The following AP3B1 variants were observed in gnomAD, a reference collection of about 807,000 sequenced individuals.
AP3B1 encodes adaptor related protein complex 3 subunit beta 1, also known as AP-3 complex subunit beta-1.
AP3B1 carries 61 observed loss-of-function variants against 132.5 expected under a neutral mutation model. That is an observed-to-expected ratio of 0.46 (90% CI 0.37 to 0.57). The LOEUF is 0.57. AP3B1 is among the 20% of genes least tolerant of loss of function. The pLI is 0.00. For missense variants in AP3B1, 1,120 were observed against 1,289.4 expected, an observed-to-expected ratio of 0.87 and a Z score of 2.01; for synonymous variants, 388 against 438.3, an observed-to-expected ratio of 0.89 and a Z score of 1.43.
At chr5:78,249,288 C>T (rs181558735) in intron 2 of AP3B1, among the ~76,000 whole-genome samples, 2 of 152,204 alleles carry the variant, frequency 1.3e-5, no homozygotes, top group African/African-American at 2.4e-5. Flanking sequence ...AAGCTTGAAC[C>T]CCAGGGGCAG....
chr5:78,143,238 ATTG>A (rs1236744473), intron 14 of AP3B1, among the ~76,000 whole-genome samples: 2 of 152,078 alleles, frequency 1.3e-5, no homozygotes, highest in Non-Finnish European at 2.9e-5. Flanking sequence ...GTTTAAAGAG[ATTG>A]TTTATATTCA....
intron 2 of AP3B1, among the ~76,000 whole-genome samples, chr5:78,244,336 C>G (rs1025453782): frequency 7.9e-5 from 12 of 151,986 alleles, no homozygotes; most frequent in African/African-American, 2.9e-4. Context: ...TCACTTGAAC[C>G]TGGGAGCCGG....
At chr5:78,166,141 A>T (rs1227081749) in intron 11 of AP3B1, among the ~76,000 whole-genome samples, 3 of 144,252 alleles carry the variant, frequency 2.1e-5, no homozygotes, top group African/African-American at 7.4e-5. Flanking sequence ...ACACACACAC[A>T]CACACACACA....
Position 78,186,042 on chromosome 5 carries a change from T to G in AP3B1, c.787-4380A>C, listed in dbSNP as rs971698424. Among the ~76,000 whole-genome samples, 8 of 152,198 alleles carry G rather than the reference T, an allele frequency of 5.3e-5. 1 individual carries two copies. The South Asian group carries it at 1.5e-3, about 28-fold the overall frequency. ...AAAAACTAAATGGGACGCTTAAGCC[T>G]TAAAAATAAATAATTAGATTAAATG... On this transcript the variant is annotated intron_variant, in intron 7 of 26. Transcript: ENST00000255194.
At position 78,206,478 on chromosome 5, in the gene AP3B1, G is replaced by A. The variant is rs1580485030; in HGVS notation, c.786+9577C>T. Among the ~76,000 whole-genome samples the A allele has an allele frequency of 1.3e-5, 2 of 152,058 alleles. 1 individual carries two copies. The highest frequency in any genetic ancestry group is 4.2e-4 in the South Asian group (2 of 4,818). The stretch of plus-strand genomic sequence containing the variant: ...TTTTTAGGTTATTATGGAGAATGTG[G>A]TAGAGACTGTTGATTACCTCCAACA... On this transcript the variant is annotated intron_variant, in intron 7 of 26. Transcript: ENST00000255194.
chr5:78,187,647 G>A (rs1163337299), intron 7 of AP3B1, among the ~76,000 whole-genome samples: 2 of 152,158 alleles, frequency 1.3e-5, no homozygotes. Flanking sequence ...TCATGAAAAT[G>A]GCCATCCTGC....
intron 3 of AP3B1, among the ~76,000 whole-genome samples, chr5:78,239,045 AC>A (rs1312021935): frequency 5.9e-5 from 9 of 151,958 alleles, no homozygotes; most frequent in Admixed American, 1.3e-4. Flanking sequence ...TTAAGACAAA[AC>A]ATATTAACAA....
At chr5:78,195,454 C>T (rs992985774) in intron 7 of AP3B1, among the ~76,000 whole-genome samples, 2 of 152,174 alleles carry the variant, frequency 1.3e-5, no homozygotes, top group Non-Finnish European at 2.9e-5. Flanking sequence ...ATACAGCCAA[C>T]TGCTTTCACA....
chr5:78,049,281 A>T (rs1748476977), intron 22 of AP3B1, among the ~76,000 whole-genome samples: 1 of 152,206 alleles, frequency 6.6e-6, no homozygotes, highest in African/African-American at 2.4e-5. Flanking sequence ...TGCAAGAATT[A>T]GGTATTTCAC....
chr5:78,185,383 C>T (rs935890360), intron 7 of AP3B1, among the ~76,000 whole-genome samples: 13 of 152,216 alleles, frequency 8.5e-5, no homozygotes, highest in African/African-American at 2.9e-4. Context: ...AACATTGATA[C>T]GGTTCTAAAT....
rs533085619 is a variant in AP3B1 at position 78,227,886 on chromosome 5, G to A, written c.375+258C>T. ...GCGTACTTTCAACAACTAGTATAAT[G>A]ATAAACAGCTCTTTGAAGCATGAAA... On this transcript the variant is annotated intron_variant, in intron 4 of 26. Transcript: ENST00000255194. Among the ~76,000 whole-genome samples the A allele has an allele frequency of 5.3e-5, 8 of 152,146 alleles. No homozygotes were observed. In the South Asian group the frequency reaches 1.5e-3, roughly 28 times the overall value.
intron 22 of AP3B1, among the ~76,000 whole-genome samples, chr5:78,055,042 CA>C (rs1748749255): frequency 6.6e-6 from 1 of 151,742 alleles, no homozygotes; most frequent in Admixed American, 6.6e-5. Context: ...CACACACACA[CA>C]CACACACACA....
At chr5:78,136,234 A>T (rs1209369705) in intron 15 of AP3B1, among the ~76,000 whole-genome samples, 1 of 152,182 alleles carries the variant, frequency 6.6e-6, no homozygotes, top group Non-Finnish European at 1.5e-5. Flanking sequence ...AGGCACTATT[A>T]TGTGCAAGGA....
chr5:78,070,233 C>T (rs1230339093), intron 22 of AP3B1, among the ~76,000 whole-genome samples: 1 of 151,816 alleles, frequency 6.6e-6, no homozygotes, highest in African/African-American at 2.4e-5. Flanking sequence ...ATGGTGAAAC[C>T]CCGTATCTAC....
At chr5:78,156,549 GGA>G (rs796785554) in intron 13 of AP3B1, among the ~76,000 whole-genome samples, 182 bp from the exon 14 acceptor site, 26 of 152,280 alleles carry the variant, frequency 1.7e-4, no homozygotes, top group African/African-American at 4.6e-4. Flanking sequence ...GTCTTAACTA[GGA>G]GAGTTAACTT....
chr5:78,078,371 G>A (rs1357635731), intron 22 of AP3B1, among the ~76,000 whole-genome samples: 3 of 152,030 alleles, frequency 2.0e-5, no homozygotes, highest in Non-Finnish European at 4.4e-5. Context: ...ATAAAACAAA[G>A]ATCTGATCAC....
At chr5:78,285,511 C>T (rs1490035217) in intron 1 of AP3B1, among the ~76,000 whole-genome samples, 2 of 152,132 alleles carry the variant, frequency 1.3e-5, no homozygotes, top group African/African-American at 4.8e-5. Context: ...TCATCCAATC[C>T]CATGATACCT....
At chr5:78,076,424 G>T (rs1749770323) in intron 22 of AP3B1, among the ~76,000 whole-genome samples, 1 of 152,180 alleles carries the variant, frequency 6.6e-6, no homozygotes, top group Non-Finnish European at 1.5e-5. Context: ...TAGCTCTTGA[G>T]GGGCGACCTC....
chr5:78,032,770 C>T (rs188000862), intron 24 of AP3B1, among the ~76,000 whole-genome samples: 2 of 151,992 alleles, frequency 1.3e-5, no homozygotes, highest in South Asian at 2.1e-4. Flanking sequence ...AATAACAAAA[C>T]ATACTAATGT....
Sources: allele counts gnomAD v4.1 joint callset (sites outside exome capture counted in the v4.1 genomes callset), GRCh38; gene constraint gnomAD v4.1.1; transcripts MANE v1.5; gene names NCBI Gene and HGNC (gene_info 2026-07-23, HGNC 2026-07-21).